The following ZNF516 variants were observed in gnomAD, a reference collection of about 807,000 sequenced individuals.
ZNF516 encodes the protein zinc finger protein 516.
A neutral mutation model predicts 79.7 loss-of-function variants in ZNF516; 19 were observed. The observed-to-expected ratio is 0.24, with a 90% CI of 0.17 to 0.35. ZNF516 has a LOEUF of 0.35. ZNF516 is among the 10% of genes least tolerant of loss of function. The pLI is 1.00. For missense variants in ZNF516, 1,678 were observed against 1,679.5 expected (o/e 1.00, Z 0.02); for synonymous variants, 877 against 739.5 (o/e 1.19, Z -3.02).
At chr18:76,425,202 C>A (rs986991540) in intron 3 of ZNF516, among the ~76,000 whole-genome samples, 3 of 152,086 alleles carry the variant, frequency 2.0e-5, no homozygotes, top group African/African-American at 7.2e-5. Context: ...AGTGAGAGAT[C>A]GCTTTGCAAG....
chr18:76,494,957 G>A (rs1327243244), intron 1 of ZNF516, among the ~76,000 whole-genome samples, 187 bp downstream of exon 1: 2 of 145,858 alleles, frequency 1.4e-5, no homozygotes. Flanking sequence ...ACTACCCACC[G>A]GGAAAGCCAA....
Position 76,378,992 on chromosome 18 carries a change from G to T in ZNF516, c.3122C>A (p.Ser1041Tyr), listed in dbSNP as rs937182882. 5.0e-6 allele frequency: 8 copies of T among 1,613,174 alleles called. No individual in the cohort carries two copies. The African/African-American group carries it at 1.1e-4, about 22-fold the overall frequency. ...CTCGGCCACCGGCTCCTGTTTGATG[G>T]AGTGTAGGACGGGGGGCGCCCCAGC... is the stretch of plus-strand genomic sequence containing the variant. ...GVAGAPPVLH[S>Y]IKQEPVAEGH... The change falls in exon 4 of 7, where the codon TCC becomes TAC. Residue 1041 changes from serine to tyrosine, a missense_variant. By Grantham distance (144) the Ser-to-Tyr change is moderately radical. Transcript: ENST00000443185.
intron 3 of ZNF516, among the ~76,000 whole-genome samples, chr18:76,423,921 G>A (rs1394984544): frequency 9.7e-5 from 5 of 51,562 alleles, no homozygotes; most frequent in East Asian, 5.4e-4. Context: ...GCTCCCTCCT[G>A]AAACACACAT....
rs373540251 is a variant in ZNF516 at position 76,360,646 on chromosome 18, A to AAAAAAATT, written c.*1851_*1852insAATTTTTT. 1 of 72,494 alleles carries AAAAAAATT rather than the reference A, an allele frequency of 1.4e-5. No individual in the cohort carries two copies. Among genetic ancestry groups the AAAAAAATT allele is most frequent in the Non-Finnish European group, 2.7e-5 (1 of 36,934 alleles). 4.5% of individuals were successfully genotyped at this position (72,494 alleles called of 1,614,324 possible). ...AAAAAAATAAGTAAAAAAAAAAAAAAATATATATATATATATATATATATA... is the reference window on the plus strand; with the variant it reads ...AAAAAAATAAGTAAAAAAAAAAAAAAAAAAAATTATATATATATATATATATATATATA... On this transcript the variant is annotated 3_prime_UTR_variant, in exon 7 of 7. Transcript: ENST00000443185.
In ZNF516 at chr18:76,442,113, G is replaced by T. The variant is rs541624835; in HGVS notation, c.942C>A (p.Pro314=). The T allele has an allele frequency of 2.4e-5, 39 of 1,613,972 alleles. 1 individual carries two copies. In the South Asian group the frequency reaches 4.2e-4, roughly 17 times the overall value. ...GGACCACGTTGTTGATGGTGGCGAT[G>T]GGGTCCAGCTCACTCTTGGGCCTGT... ...SKNRPKSELD[P]IATINNVVQE... The change falls in exon 3 of 7, where the codon CCC becomes CCA. Residue 314 remains proline, a synonymous_variant. Transcript: ENST00000443185.
At chr18:76,378,814 G>T in intron 4 of ZNF516, 41 bp downstream of exon 4, 1 of 1,583,572 alleles carries the variant, frequency 6.3e-7, no homozygotes, top group Non-Finnish European at 8.6e-7. Flanking sequence ...GGTTCTGGGG[G>T]TCACATGTGG....
At chr18:76,404,613 T>A (rs2075277169) in intron 3 of ZNF516, among the ~76,000 whole-genome samples, 1 of 152,080 alleles carries the variant, frequency 6.6e-6, no homozygotes, top group South Asian at 2.1e-4. Context: ...TAGTGTATGT[T>A]TGTAAGTATG....
chr18:76,439,259 A>T lies in ZNF516; in HGVS notation c.1810+1986T>A, dbSNP rs545503817. On this transcript the variant is annotated intron_variant, in intron 3 of 6. Coordinates refer to ENST00000443185, the MANE Select transcript of ZNF516 (RefSeq NM_014643.4). ...TAATTTGTTGCTACACTAGACCATT[A>T]AAGGCAGCTGTTGTGAGTGAAAAGT... is the stretch of plus-strand genomic sequence containing the variant. 1.6e-3 allele frequency among the ~76,000 whole-genome samples: 237 copies of T among 152,300 alleles called. No individual in the cohort carries two copies. The Middle Eastern group carries it at 0.017, about 11-fold the overall frequency.
At position 76,379,850 on chromosome 18, in the gene ZNF516, G is replaced by A. The variant is rs1599149539; in HGVS notation, c.2264C>T (p.Ala755Val). 40 of 1,613,848 alleles carry A rather than the reference G, an allele frequency of 2.5e-5. No individual in the cohort carries two copies. The highest frequency in any genetic ancestry group is 3.1e-5 in the Non-Finnish European group (36 of 1,179,862). Residue 755 changes from alanine to valine, a missense_variant, in exon 4 of 7, where the codon GCG becomes GTG. Physicochemically the swap from Ala to Val is moderately conservative, Grantham distance 64. Coordinates refer to ENST00000443185, the MANE Select transcript of ZNF516 (RefSeq NM_014643.4). ...AGGACACGGGTGAACGACTAAAGCC[G>A]CCTGCAGGGAGGAGGCCGTCTCCTT... Reference protein sequence around the residue: ...SNKETASSLQAALVVHPCPYC... With the variant: ...SNKETASSLQVALVVHPCPYC...
chr18:76,433,597 G>A (rs1338003565), intron 3 of ZNF516, among the ~76,000 whole-genome samples: 11 of 152,308 alleles, frequency 7.2e-5, no homozygotes, highest in Admixed American at 2.6e-4. Flanking sequence ...CATAGCATCC[G>A]GGTCACAGCA....
rs572914209 is a variant in ZNF516, at chr18:76,467,922, T to G, written c.-271-4781A>C. 1.3e-5 allele frequency among the ~76,000 whole-genome samples: 2 copies of G among 152,300 alleles called. No individual in the cohort carries two copies. Among genetic ancestry groups the G allele is most frequent in the South Asian group, 4.1e-4 (2 of 4,828 alleles). ...CTTCAACTATCTGCTGACTGCTAAC[T>G]CCCACTGTCATCCCAGGCAGCCTTG... On this transcript the variant is annotated intron_variant, in intron 1 of 6. Coordinates refer to ENST00000443185, the MANE Select transcript of ZNF516 (RefSeq NM_014643.4). The surrounding 1 kb of genome is among the most constrained non-coding windows in gnomAD (Gnocchi z 4.2).
At chr18:76,472,856 C>T (rs566633996) in intron 1 of ZNF516, among the ~76,000 whole-genome samples, 12 of 152,232 alleles carry the variant, frequency 7.9e-5, no homozygotes, top group African/African-American at 1.2e-4. Context: ...AATAAACATG[C>T]GATCCTTACC....
intron 3 of ZNF516, among the ~76,000 whole-genome samples, chr18:76,396,725 T>C (rs115111186): frequency 0.011 from 1,646 of 152,222 alleles, 31 homozygotes; most frequent in African/African-American, 0.038. Flanking sequence ...TGGAAAGATA[T>C]TCAAGCTGAA....
intron 4 of ZNF516, among the ~76,000 whole-genome samples, chr18:76,376,747 T>C (rs2074793099): frequency 6.7e-6 from 1 of 148,882 alleles, no homozygotes; most frequent in Non-Finnish European, 1.5e-5. Context: ...ACTTTCCAGG[T>C]GTGAGCTGGC....
chr18:76,441,354 C>A lies in ZNF516; in HGVS notation c.1701G>T (p.Gln567His), dbSNP rs1433878497. 5.6e-6 allele frequency: 9 copies of A among 1,611,482 alleles called. No homozygotes were observed. The East Asian group carries it at 1.6e-4, about 28-fold the overall frequency. The change falls in exon 3 of 7, where the codon CAG becomes CAT. Residue 567 changes from glutamine (Q) to histidine (H), a missense_variant. By Grantham distance (24) the Gln-to-His change is conservative (BLOSUM62 0). This residue lies in a region of ZNF516 where 1,294 missense variants were observed against 1,248.3 expected (regional missense o/e 1.04). Transcript: ENST00000443185. Reference protein sequence around the residue: ...GSLSEGDSASQPSSPGSACAA... With the variant: ...GSLSEGDSASHPSSPGSACAA... Reference sequence around the variant, plus strand: ...CACAGGCGGAGCCAGGGCTGCTGGGCTGGGAGGCCGAGTCACCCTCACTGA... The same window carrying A: ...CACAGGCGGAGCCAGGGCTGCTGGGATGGGAGGCCGAGTCACCCTCACTGA...
chr18:76,472,177 C>T (rs1457781038), intron 1 of ZNF516, among the ~76,000 whole-genome samples: 2 of 152,246 alleles, frequency 1.3e-5, no homozygotes, highest in Non-Finnish European at 2.9e-5. Context: ...TTCCTCCCTG[C>T]TGCAGATTGG....
chr18:76,477,114 C>CA (rs1482965807), intron 1 of ZNF516, among the ~76,000 whole-genome samples: 1 of 152,158 alleles, frequency 6.6e-6, no homozygotes, highest in Non-Finnish European at 1.5e-5. Context: ...AAAGATAAAA[C>CA]AGCACTTTTT....
intron 1 of ZNF516, among the ~76,000 whole-genome samples, chr18:76,473,669 T>C (rs1351270981): frequency 1.3e-5 from 2 of 151,636 alleles, no homozygotes; most frequent in South Asian, 2.1e-4. Flanking sequence ...GGCTTGGTGG[T>C]GGGCGCCTGT....
At position 76,442,937 on chromosome 18, in the gene ZNF516, C is replaced by T. The variant is rs763425362; in HGVS notation, c.118G>A (p.Gly40Ser). ...KATCHTCCIC[G>S]KSFPFQSSLS... ...GAGCTCTGGAAGGGGAAGCTCTTGC[C>T]GCAGATGCAGCAGGTGTGGCAGGTA... The change falls in exon 3 of 7, where the codon GGC (glycine) becomes AGC (serine). Residue 40 changes from glycine (G) to serine (S), a missense_variant. Physicochemically the swap from Gly to Ser is moderately conservative, Grantham distance 56. Coordinates refer to ENST00000443185, the MANE Select transcript of ZNF516 (RefSeq NM_014643.4). The T allele has an allele frequency of 1.9e-6, 3 of 1,611,278 alleles. No individual in the cohort carries two copies. The highest frequency in any genetic ancestry group is 4.5e-5 in the East Asian group (2 of 44,884).
Sources: gnomAD v4.1 joint callset for allele counts (sites outside exome capture counted in the v4.1 genomes callset) on GRCh38, gnomAD v4.1.1 for gene constraint, gnomAD v4.1.1 regional missense constraint, Gnocchi (gnomAD v3.1) non-coding constraint, MANE v1.5 for transcripts, NCBI Gene and HGNC (gene_info 2026-07-23, HGNC 2026-07-21) for gene names.